The following HIVEP3 variants were observed in gnomAD, a reference collection of about 807,000 sequenced individuals.
HIVEP3 encodes the protein HIVEP zinc finger 3.
A neutral mutation model predicts 152.8 loss-of-function variants in HIVEP3; 49 were observed. The ratio of observed to expected loss-of-function variants is 0.32; its 90% CI spans 0.26 to 0.41. The LOEUF (loss-of-function observed/expected upper bound fraction) is 0.41, where lower values mean the gene tolerates loss of function less well. Ranked by LOEUF, HIVEP3 falls within the 10% of genes least tolerant of loss-of-function variation. HIVEP3 has a pLI of 1.00. For missense variants in HIVEP3, 2,790 were observed against 3,103.3 expected (o/e 0.90, Z 2.40); for synonymous variants, 1,269 against 1,289.0 (o/e 0.98, Z 0.33).
At chr1:41,731,511 A>G (rs1570416683) in intron 1 of HIVEP3, among the ~76,000 whole-genome samples, 2 of 152,314 alleles carry the variant, frequency 1.3e-5, no homozygotes, top group Middle Eastern at 3.4e-3. Context: ...CTATGTAACT[A>G]ACAGGATGTC....
At chr1:41,914,648 A>G (rs1218817217) in intron 1 of HIVEP3, among the ~76,000 whole-genome samples, 2 of 152,202 alleles carry the variant, frequency 1.3e-5, no homozygotes, top group African/African-American at 2.4e-5. Context: ...CGTGTATCTC[A>G]GCCACCTTCC....
At chr1:41,671,537 G>C (rs1645876361) in intron 2 of HIVEP3, among the ~76,000 whole-genome samples, 5 of 152,230 alleles carry the variant, frequency 3.3e-5, no homozygotes. Flanking sequence ...TGTCCTCCTA[G>C]CTGAGCTCCC....
chr1:41,540,867 G>A (rs1643513415), intron 5 of HIVEP3, among the ~76,000 whole-genome samples: 1 of 152,144 alleles, frequency 6.6e-6, no homozygotes, highest in Non-Finnish European at 1.5e-5. Flanking sequence ...GTAAGTCTGG[G>A]GCAAAATAGA....
chr1:41,561,382 C>T (rs1274122193), intron 5 of HIVEP3, among the ~76,000 whole-genome samples: 1 of 152,194 alleles, frequency 6.6e-6, no homozygotes, highest in Non-Finnish European at 1.5e-5. Flanking sequence ...TCCCTCCCTG[C>T]AGAAGACCTC....
At chr1:42,010,481 A>G (rs995122827) in intron 1 of HIVEP3, among the ~76,000 whole-genome samples, 1 of 152,170 alleles carries the variant, frequency 6.6e-6, no homozygotes, top group Non-Finnish European at 1.5e-5. Flanking sequence ...CTTTGTGTGC[A>G]GAGATTCTTC....
intron 1 of HIVEP3, among the ~76,000 whole-genome samples, chr1:41,799,907 T>A (rs2124310630): frequency 6.6e-6 from 1 of 152,132 alleles, no homozygotes; most frequent in South Asian, 2.1e-4. Flanking sequence ...AGCTGCACAC[T>A]ATGCTGACTC....
intron 1 of HIVEP3, among the ~76,000 whole-genome samples, chr1:41,947,443 A>G (rs1645081692): frequency 6.6e-6 from 1 of 152,210 alleles, no homozygotes; most frequent in Non-Finnish European, 1.5e-5. Flanking sequence ...CCTCATCCCA[A>G]AACCCTAAAG....
chr1:41,623,378 GCA>G (rs1645072659), intron 3 of HIVEP3, among the ~76,000 whole-genome samples: 1 of 152,204 alleles, frequency 6.6e-6, no homozygotes, highest in Non-Finnish European at 1.5e-5. Flanking sequence ...GGGAGAGAGA[GCA>G]CTAAGCTTAG....
intron 1 of HIVEP3, among the ~76,000 whole-genome samples, chr1:41,949,744 A>T (rs1203716371): frequency 6.6e-6 from 1 of 152,162 alleles, no homozygotes; most frequent in Non-Finnish European, 1.5e-5. Context: ...TCTCTTCCAG[A>T]ATCGAAGCTG....
chr1:41,746,584 T>A (rs1446676669), intron 1 of HIVEP3, among the ~76,000 whole-genome samples: 1 of 152,320 alleles, frequency 6.6e-6, no homozygotes, highest in East Asian at 1.9e-4. Context: ...TGGGCTTCGG[T>A]GGCTCCTGAC....
intron 4 of HIVEP3, among the ~76,000 whole-genome samples, chr1:41,579,436 C>CT (rs1178613432): frequency 4.6e-5 from 7 of 152,100 alleles, no homozygotes; most frequent in African/African-American, 1.4e-4. Flanking sequence ...TGGAAAATTT[C>CT]TTTTTTTTCT....
At chr1:41,681,089 G>GGTGTGTGTGTGTGTGT (rs35572259) in intron 2 of HIVEP3, among the ~76,000 whole-genome samples, 144 of 148,342 alleles carry the variant, frequency 9.7e-4, no homozygotes, top group Non-Finnish European at 1.8e-3. Flanking sequence ...GCTAAGAACT[G>GGTGTGTGTGTGTGTGT]GTGTGTGTGT....
At chr1:41,983,681 T>C (rs936255494) in intron 1 of HIVEP3, among the ~76,000 whole-genome samples, 4 of 152,014 alleles carry the variant, frequency 2.6e-5, no homozygotes, top group African/African-American at 9.7e-5. Flanking sequence ...GCAAGCAGGA[T>C]GGGATGGGAT....
chr1:41,920,802 A>G (rs1202935060), upstream of HIVEP3, among the ~76,000 whole-genome samples: 1 of 152,168 alleles, frequency 6.6e-6, no homozygotes, highest in Admixed American at 6.5e-5. Context: ...ACAACTTTTT[A>G]AGGGTTAAAT....
rs371962591 is a variant in HIVEP3 at position 41,527,324 on chromosome 1, TCA to T, written c.5208-2416_5208-2415del. Among the ~76,000 whole-genome samples the T allele has an allele frequency of 1.3e-3, 45 of 33,654 alleles. 1 individual carries two copies. Among genetic ancestry groups the T allele is most frequent in the East Asian group, 0.011 (35 of 3,074 alleles). The allele number at this position is 33,654 out of a possible 152,430, so 22.1% of individuals were successfully genotyped here. ...ACCCTCACACTTCACACCCCTGCAC[TCA>T]CACACACATCCCACCTTCACACTCA... On this transcript the variant is annotated intron_variant, in intron 5 of 8. Coordinates refer to ENST00000372583, the MANE Select transcript of HIVEP3 (RefSeq NM_024503.5).
chr1:42,001,887 TC>T (rs147064864), intron 1 of HIVEP3, among the ~76,000 whole-genome samples: 8,789 of 151,960 alleles, frequency 0.058, 877 homozygotes, highest in African/African-American at 0.2. Context: ...TTCCCCATGA[TC>T]CATCAACTGG....
chr1:41,717,016 T>TTCTGCCCA (rs1158245385), intron 1 of HIVEP3, among the ~76,000 whole-genome samples: 1 of 152,226 alleles, frequency 6.6e-6, no homozygotes, highest in Non-Finnish European at 1.5e-5. Flanking sequence ...GGCCTCGGCC[T>TTCTGCCCA]GGCAGTCTTC....
At chr1:41,576,800 C>T (rs1297489512) in intron 4 of HIVEP3, among the ~76,000 whole-genome samples, 2 of 152,196 alleles carry the variant, frequency 1.3e-5, no homozygotes, top group African/African-American at 4.8e-5. Context: ...CTTCACCTCT[C>T]TGGGCCTCAG....
In HIVEP3 at chr1:41,811,613, CG is replaced by C. The variant is rs201071361; in HGVS notation, c.-801+106799del. 5.0e-3 allele frequency among the ~76,000 whole-genome samples: 753 copies of C among 151,914 alleles called. 7 individuals carry two copies. The highest frequency in any genetic ancestry group is 0.017 in the African/African-American group (695 of 41,420). On this transcript the variant is annotated intron_variant, in intron 1 of 8. Transcript: ENST00000372583. ...TTGGGGCCGCCCAGCTGGTTAGTGA[CG>C]GGCCCAGAGCACCCTCCAGAGACAC...
Sources: allele counts gnomAD v4.1 joint callset (sites outside exome capture counted in the v4.1 genomes callset), GRCh38; gene constraint gnomAD v4.1.1; transcripts MANE v1.5; gene names NCBI Gene and HGNC (gene_info 2026-07-23, HGNC 2026-07-21).